Variants in PDPK1 observed in about 807,000 individuals in gnomAD.
PDPK1 encodes the protein 3-phosphoinositide dependent protein kinase 1.
PDPK1 carries 7 observed loss-of-function variants against 39.8 expected under a neutral mutation model. The ratio of observed to expected loss-of-function variants is 0.18; its 90% CI spans 0.10 to 0.33. The LOEUF (loss-of-function observed/expected upper bound fraction) is 0.33, where lower values mean the gene tolerates loss of function less well. Ranked by LOEUF, PDPK1 falls within the 10% of genes least tolerant of loss-of-function variation. The probability of loss-of-function intolerance (pLI) is 1.00; values close to 1 mark genes in which losing one functional copy is unlikely to be tolerated. For missense variants in PDPK1, 182 were observed against 384.7 expected (o/e 0.47, Z 4.41); for synonymous variants, 118 against 159.1 (o/e 0.74, Z 1.95).
intron 1 of PDPK1, 41 bp downstream of exon 1, chr16:2,538,177 C>T: frequency 9.7e-7 from 1 of 1,033,544 alleles, no homozygotes; most frequent in East Asian, 6.6e-5. Flanking sequence ...GGTTTGTTAC[C>T]CTGCCGGGTC....
In PDPK1 at chr16:2,576,816, C is replaced by G. The variant is rs544636921; in HGVS notation, c.710-609C>G. The G allele has an allele frequency of 5.8e-4, 110 of 188,160 alleles. 5 individuals are homozygous for G. The highest frequency in any genetic ancestry group is 2.5e-3 in the African/African-American group (101 of 40,882). 11.7% of individuals were successfully genotyped at this position (188,160 alleles called of 1,614,324 possible). On this transcript the variant is annotated intron_variant, in intron 6 of 13. Coordinates refer to ENST00000342085, the MANE Select transcript of PDPK1 (RefSeq NM_002613.5). ...TCATTCACTGAAGGGATTGAGTCCC[C>G]GCAGCAGAGGCTGGGAGGTTCTCTC...
At chr16:2,589,587 G>A (rs898337058) in intron 11 of PDPK1, among the ~76,000 whole-genome samples, 1 of 151,738 alleles carries the variant, frequency 6.6e-6, no homozygotes, top group African/African-American at 2.4e-5. Flanking sequence ...GCTTGGGGAG[G>A]TTGAGGTAGG....
At chr16:2,543,888 A>T (rs1430881195) in intron 1 of PDPK1, among the ~76,000 whole-genome samples, 5 of 134,806 alleles carry the variant, frequency 3.7e-5, no homozygotes, top group South Asian at 2.3e-4. Flanking sequence ...CACCCGGCTA[A>T]TTTTTTTTTT....
chr16:2,547,406 C>T (rs1248387598), intron 1 of PDPK1, among the ~76,000 whole-genome samples: 3 of 109,870 alleles, frequency 2.7e-5, no homozygotes, highest in Admixed American at 1.7e-4. Flanking sequence ...CTCACATGTT[C>T]TTCCTGCAGG....
At chr16:2,545,018 C>G (rs546661847) in intron 1 of PDPK1, among the ~76,000 whole-genome samples, 1 of 151,184 alleles carries the variant, frequency 6.6e-6, no homozygotes, top group Non-Finnish European at 1.5e-5. Context: ...TCATCACATC[C>G]GAGATAGCAT....
Position 2,598,367 on chromosome 16 carries a change from C to T in PDPK1, c.*600C>T. 8.5e-6 allele frequency: 2 copies of T among 234,220 alleles called. No homozygotes were observed. Among genetic ancestry groups the T allele is most frequent in the East Asian group, 1.2e-4 (2 of 16,582 alleles). The allele number at this position is 234,220 out of a possible 1,614,324, so 14.5% of individuals were successfully genotyped here. On this transcript the variant is annotated 3_prime_UTR_variant, in exon 14 of 14. Coordinates refer to ENST00000342085, the MANE Select transcript of PDPK1 (RefSeq NM_002613.5). ...CCCATTACATATCCCTGTGGTGGCT[C>T]TGGTGGCAGCTTTCTGTGGCCCCTG... is the stretch of plus-strand genomic sequence containing the variant.
intron 11 of PDPK1, among the ~76,000 whole-genome samples, chr16:2,591,283 T>C (rs2066985269): frequency 6.6e-6 from 1 of 152,222 alleles, no homozygotes; most frequent in Non-Finnish European, 1.5e-5. Flanking sequence ...TGAATTGATC[T>C]GTGGAAACCG....
rs541503216 is a variant in PDPK1 at position 2,540,691 on chromosome 16, C to G, written c.24+2555C>G. 7.6e-3 allele frequency among the ~76,000 whole-genome samples: 1,151 copies of G among 152,230 alleles called. 7 individuals are homozygous for G. The highest frequency in any genetic ancestry group is 0.024 in the African/African-American group (1,013 of 41,496). The stretch of plus-strand genomic sequence containing the variant: ...GGCAGATGGCTGAACTCTGTGACCC[C>G]GGGGCCTGTTTCAGCCTCCTGCTGT... On this transcript the variant is annotated intron_variant, in intron 1 of 13. Transcript: ENST00000342085.
chr16:2,585,470 G>C (rs1475364599), intron 10 of PDPK1, among the ~76,000 whole-genome samples: 1 of 152,208 alleles, frequency 6.6e-6, no homozygotes, highest in Non-Finnish European at 1.5e-5. Context: ...TGGGGAATGG[G>C]CACTGGGCGT....
At chr16:2,540,056 T>TATGATCTGTCAGCTGGATTCCCCC (rs2066216418) in intron 1 of PDPK1, among the ~76,000 whole-genome samples, 1 of 152,236 alleles carries the variant, frequency 6.6e-6, no homozygotes, top group South Asian at 2.1e-4. Context: ...CATGTGTACG[T>TATGATCTGTCAGCTGGATTCCCCC]ATGTGAGAAC....
Position 2,538,222 on chromosome 16 carries a change from C to T in PDPK1, c.24+86C>T, listed in dbSNP as rs556798639. 1,262 of 734,522 alleles carry T rather than the reference C, an allele frequency of 1.7e-3. 20 individuals are homozygous for T. The East Asian group carries it at 0.032, about 18-fold the overall frequency. The allele number at this position is 734,522 out of a possible 1,614,324, so 45.5% of individuals were successfully genotyped here. ...CCCGGGTCCGGCGAGGCGGGGCGGC[C>T]CGGGGTCCCGAGGGCCGGGTGCCTC... On this transcript the variant is annotated intron_variant, in intron 1 of 13. Transcript: ENST00000342085.
chr16:2,596,323 C>G lies in PDPK1; in HGVS notation c.1401+473C>G, dbSNP rs376118349. 3.9e-5 allele frequency among the ~76,000 whole-genome samples: 6 copies of G among 152,328 alleles called. No homozygotes were observed. The East Asian group carries it at 1.2e-3, about 29-fold the overall frequency. ...TCTCCTGCCTCAGCCTCCTGAGTAGCTGGGACCACAGGCGCCCGCCACCAT... is the reference window on the plus strand; with the variant it reads ...TCTCCTGCCTCAGCCTCCTGAGTAGGTGGGACCACAGGCGCCCGCCACCAT... On this transcript the variant is annotated intron_variant, in intron 12 of 13. Coordinates refer to ENST00000342085, the MANE Select transcript of PDPK1 (RefSeq NM_002613.5).
At chr16:2,540,468 C>T (rs1172175801) in intron 1 of PDPK1, among the ~76,000 whole-genome samples, 1 of 152,164 alleles carries the variant, frequency 6.6e-6, no homozygotes, top group African/African-American at 2.4e-5. Flanking sequence ...GTGGTAGAGA[C>T]TCCAGTGTCA....
At position 2,600,940 on chromosome 16, in the gene PDPK1, G is replaced by A. The variant is rs2067204105; in HGVS notation, c.*3173G>A. ...CTTGATATTTTAAGCATTTTCCCAT[G>A]TCATGAGTTTCTCAGAAACATGTTT... On this transcript the variant is annotated 3_prime_UTR_variant, in exon 14 of 14. Transcript: ENST00000342085. 1 of 225,944 alleles carries A rather than the reference G, an allele frequency of 4.4e-6. No individual in the cohort carries two copies. Among genetic ancestry groups the A allele is most frequent in the South Asian group, 1.9e-4 (1 of 5,314 alleles). The allele number at this position is 225,944 out of a possible 1,614,324, so 14.0% of individuals were successfully genotyped here.
intron 1 of PDPK1, among the ~76,000 whole-genome samples, chr16:2,545,302 C>G (rs55852963): frequency 1.3e-5 from 2 of 151,994 alleles, no homozygotes; most frequent in Admixed American, 1.3e-4. Context: ...CTGTCCTCCT[C>G]AAAGCTCTTT....
intron 11 of PDPK1, among the ~76,000 whole-genome samples, chr16:2,591,054 C>T (rs1169228849): frequency 2.6e-5 from 4 of 151,886 alleles, no homozygotes; most frequent in African/African-American, 9.7e-5. Flanking sequence ...CCTCCGCCTC[C>T]CAGGTTCAAG....
In PDPK1 at chr16:2,601,264, T is replaced by C. The variant is rs1446399141; in HGVS notation, c.*3497T>C. On this transcript the variant is annotated 3_prime_UTR_variant, in exon 14 of 14. Coordinates refer to ENST00000342085, the MANE Select transcript of PDPK1 (RefSeq NM_002613.5). ...TTGTGTCTTACAGATTCTGAACAAA[T>C]CGGTTTCTGATAAGCCATGTGTTCC... 8.5e-6 allele frequency: 2 copies of C among 234,308 alleles called. No individual in the cohort carries two copies. The highest frequency in any genetic ancestry group is 1.7e-5 in the Non-Finnish European group (2 of 117,886). 14.5% of individuals were successfully genotyped at this position (234,308 alleles called of 1,614,324 possible).
At chr16:2,541,094 C>T (rs953594449) in intron 1 of PDPK1, among the ~76,000 whole-genome samples, 1 of 152,088 alleles carries the variant, frequency 6.6e-6, no homozygotes, top group African/African-American at 2.4e-5. Context: ...AAGGTGAGCT[C>T]CCAGTGGTAA....
intron 1 of PDPK1, among the ~76,000 whole-genome samples, chr16:2,553,110 C>T (rs2066446679): frequency 6.9e-6 from 1 of 144,242 alleles, no homozygotes; most frequent in Non-Finnish European, 1.5e-5. Context: ...GGTGACCCCA[C>T]ACCTGTGAGG....
Sources: allele counts gnomAD v4.1 joint callset (sites outside exome capture counted in the v4.1 genomes callset), GRCh38; gene constraint gnomAD v4.1.1; transcripts MANE v1.5; gene names NCBI Gene and HGNC (gene_info 2026-07-23, HGNC 2026-07-21).